The following DNM3 variants were observed in gnomAD, a reference collection of about 807,000 sequenced individuals.
DNM3 encodes dynamin 3.
DNM3 carries 47 observed loss-of-function variants against 101.6 expected under a neutral mutation model. The observed-to-expected ratio is 0.46, with a 90% CI of 0.37 to 0.59. The LOEUF (loss-of-function observed/expected upper bound fraction) is 0.59, where lower values mean the gene tolerates loss of function less well. DNM3 is among the 20% of genes least tolerant of loss of function. The pLI, the probability that DNM3 is intolerant of heterozygous loss-of-function variation, is 0.00. For missense variants in DNM3, 849 were observed against 1,085.7 expected (o/e 0.78, Z 3.06); for synonymous variants, 385 against 387.9 (o/e 0.99, Z 0.09).
chr1:171,965,681 G>T (rs890567135), intron 2 of DNM3, among the ~76,000 whole-genome samples: 8 of 152,140 alleles, frequency 5.3e-5, no homozygotes, highest in Non-Finnish European at 1.0e-4. Context: ...TGTAGTTGAG[G>T]CGTGTCCCCC....
In DNM3 at chr1:172,290,130, A is replaced by G. The variant is rs540713378; in HGVS notation, c.1770-18598A>G. 3.0e-5 allele frequency: 12 copies of G among 401,810 alleles called. No individual in the cohort carries two copies. The South Asian group carries it at 9.4e-4, about 32-fold the overall frequency. 24.9% of individuals were successfully genotyped at this position (401,810 alleles called of 1,614,324 possible). ...CAACAAATATTAATGAGCACCTACTATATAACATAAATGCTAGGAATATAT... is the reference window on the plus strand; with the variant it reads ...CAACAAATATTAATGAGCACCTACTGTATAACATAAATGCTAGGAATATAT... On this transcript the variant is annotated intron_variant, in intron 15 of 20. Coordinates refer to ENST00000627582, the MANE Select transcript of DNM3 (RefSeq NM_015569.5).
chr1:171,902,778 C>T (rs1347725398), intron 1 of DNM3, among the ~76,000 whole-genome samples: 1 of 152,034 alleles, frequency 6.6e-6, no homozygotes, highest in East Asian at 1.9e-4. Context: ...TCCAATTTGC[C>T]ACGTAAAAGA....
At chr1:171,932,608 A>T (rs2041116722) in intron 2 of DNM3, among the ~76,000 whole-genome samples, 1 of 151,912 alleles carries the variant, frequency 6.6e-6, no homozygotes, top group South Asian at 2.1e-4. Context: ...TTGTTCTTTT[A>T]GTTTAGGTTA....
At chr1:172,383,870 T>C (rs1195472547) in intron 18 of DNM3, among the ~76,000 whole-genome samples, 1 of 152,192 alleles carries the variant, frequency 6.6e-6, no homozygotes, top group Non-Finnish European at 1.5e-5. Context: ...GTGAGAACTT[T>C]TACAAACCAT....
intron 10 of DNM3, among the ~76,000 whole-genome samples, chr1:172,060,135 AC>A (rs1385590789): frequency 4.7e-5 from 7 of 147,564 alleles, no homozygotes; most frequent in African/African-American, 1.7e-4. Flanking sequence ...AATCCAACTT[AC>A]AAGGGATGTG....
rs1367977156 is a variant in DNM3 at position 172,408,602 on chromosome 1, TG to T, written c.*764del. ...CAAAATATCACATCTCTAGAAGTGT[TG>T]GGAAAAATATAATTTCTTTCTTTAC... On this transcript the variant is annotated 3_prime_UTR_variant, in exon 21 of 21. Transcript: ENST00000627582. The T allele has an allele frequency of 1.0e-6, 1 of 984,868 alleles. No individual in the cohort carries two copies. Among genetic ancestry groups the T allele is most frequent in the East Asian group, 1.1e-4 (1 of 8,820 alleles). 61.0% of individuals were successfully genotyped at this position (984,868 alleles called of 1,614,324 possible). A position where few individuals can be genotyped will look rare whatever the true frequency, so the allele number is the denominator to read the frequency against.
intron 13 of DNM3, among the ~76,000 whole-genome samples, chr1:172,096,301 A>G (rs1220558140): frequency 6.6e-6 from 1 of 152,210 alleles, no homozygotes; most frequent in East Asian, 1.9e-4. Flanking sequence ...ATGTTGCTTA[A>G]AGCAGTACAG....
chr1:172,051,623 TA>T (rs763262967), intron 10 of DNM3, among the ~76,000 whole-genome samples: 28 of 152,170 alleles, frequency 1.8e-4, no homozygotes, highest in Non-Finnish European at 3.5e-4. Context: ...ATTGGGAAAT[TA>T]ATGGAAAAGC....
At chr1:172,094,842 A>G (rs1036607972) in intron 13 of DNM3, among the ~76,000 whole-genome samples, 5 of 152,216 alleles carry the variant, frequency 3.3e-5, no homozygotes, top group African/African-American at 1.2e-4. Flanking sequence ...GTGGTTGGAT[A>G]TGATATAAAG....
chr1:171,955,076 T>A (rs1005542030), intron 2 of DNM3, among the ~76,000 whole-genome samples: 2 of 152,222 alleles, frequency 1.3e-5, no homozygotes, highest in Non-Finnish European at 2.9e-5. Context: ...TACTGCTAAG[T>A]GATAGCAACC....
intron 15 of DNM3, among the ~76,000 whole-genome samples, chr1:172,261,877 C>A (rs1404013563): frequency 6.6e-6 from 1 of 152,082 alleles, no homozygotes; most frequent in Non-Finnish European, 1.5e-5. Flanking sequence ...GATCTTCAGG[C>A]CCCTGGAAAG....
chr1:171,969,424 C>A (rs796359095), intron 2 of DNM3, among the ~76,000 whole-genome samples: 4 of 152,192 alleles, frequency 2.6e-5, no homozygotes, highest in African/African-American at 9.6e-5. Flanking sequence ...AGTGGGAACA[C>A]GAGGGGCTGA....
intron 17 of DNM3, among the ~76,000 whole-genome samples, chr1:172,332,976 C>T (rs1229168276): frequency 1.3e-5 from 2 of 152,032 alleles, no homozygotes; most frequent in Non-Finnish European, 2.9e-5. Flanking sequence ...AATCTTGGCA[C>T]CTAGGAAGAA....
At chr1:172,033,781 C>T (rs939167524) in intron 6 of DNM3, among the ~76,000 whole-genome samples, 5 of 152,088 alleles carry the variant, frequency 3.3e-5, no homozygotes, top group African/African-American at 9.7e-5. Flanking sequence ...TAGATAACCC[C>T]TTTTCCCACA....
Position 172,161,189 on chromosome 1 carries a change from T to TTA in DNM3, c.1659+29909_1659+29910dup, listed in dbSNP as rs537815277. On this transcript the variant is annotated intron_variant, in intron 14 of 20. Transcript: ENST00000627582. ...GGTTTTCACCTCCTATATATTATTA[T>TTA]TATATATATGTATATATTTTATAAT... Among the ~76,000 whole-genome samples the TTA allele has an allele frequency of 3.0e-3, 445 of 148,998 alleles. 2 individuals are homozygous for TTA. The highest frequency in any genetic ancestry group is 0.01 in the African/African-American group (422 of 40,960).
chr1:172,118,389 T>C (rs1408701545), intron 13 of DNM3, among the ~76,000 whole-genome samples: 2 of 152,174 alleles, frequency 1.3e-5, no homozygotes, highest in East Asian at 3.8e-4. Flanking sequence ...GCCATTCTCA[T>C]TACTTGACAT....
Position 172,387,272 on chromosome 1 carries a change from T to C in DNM3, c.2198T>C (p.Leu733Pro), listed in dbSNP as rs2069235873. 6.2e-7 allele frequency: 1 copy of C among 1,613,792 alleles called. No homozygotes were observed. Among genetic ancestry groups the C allele is most frequent in the Non-Finnish European group, 8.5e-7 (1 of 1,179,868 alleles). Residue 733 changes from leucine (L) to proline (P), a missense_variant, in exon 19 of 21, where the codon CTT becomes CCT. Transcript: ENST00000627582. Reference protein sequence around the residue: ...LRMYQALKEALGIIGDISTAT... With the variant: ...LRMYQALKEAPGIIGDISTAT... ...ATGTATCAAGCACTGAAAGAAGCCC[T>C]TGGGATAATTGGGGACATCAGCACA...
chr1:172,156,247 G>A lies in DNM3; in HGVS notation c.1659+24959G>A, dbSNP rs191372687. Among the ~76,000 whole-genome samples, 754 of 152,144 alleles carry A rather than the reference G, an allele frequency of 5.0e-3. 12 individuals are homozygous for A. The highest frequency in any genetic ancestry group is 0.017 in the African/African-American group (699 of 41,528). ...GCTGTTGGCTGTAAAAATCTAATAT[G>A]ACCACCCCAGTGTTTATGGTATAGA... On this transcript the variant is annotated intron_variant, in intron 14 of 20. Coordinates refer to ENST00000627582, the MANE Select transcript of DNM3 (RefSeq NM_015569.5).
intron 14 of DNM3, 42 bp from the exon 15 acceptor site, chr1:172,253,531 T>C (rs2062270859): frequency 3.2e-5 from 27 of 837,960 alleles, no homozygotes; most frequent in Non-Finnish European, 4.8e-5. Context: ...TCTCCTCTCC[T>C]CTCCTCTCCT....
Sources: allele counts gnomAD v4.1 joint callset (sites outside exome capture counted in the v4.1 genomes callset), GRCh38; gene constraint gnomAD v4.1.1; transcripts MANE v1.5; gene names NCBI Gene and HGNC (gene_info 2026-07-23, HGNC 2026-07-21).